The following CNTNAP5 variants were observed in gnomAD, a reference collection of about 807,000 sequenced individuals.
CNTNAP5 encodes the protein contactin-associated protein-like 5.
In CNTNAP5, 72 loss-of-function variants were observed where a neutral mutation model predicts 150.2. That is an observed-to-expected ratio of 0.48 (90% CI 0.40 to 0.58). CNTNAP5 has a LOEUF of 0.58. Among genes scored for constraint, CNTNAP5 ranks in the 20% least tolerant of loss-of-function variants. The pLI is 0.00. For missense variants in CNTNAP5, 1,636 were observed against 1,626.2 expected, an observed-to-expected ratio of 1.01 and a Z score of -0.10; for synonymous variants, 672 against 619.8, an observed-to-expected ratio of 1.08 and a Z score of -1.25.
In CNTNAP5 at chr2:124,389,835, A is replaced by G. The variant is rs571600633; in HGVS notation, c.382-27608A>G. Among the ~76,000 whole-genome samples, 20 of 152,122 alleles carry G rather than the reference A, an allele frequency of 1.3e-4. No individual in the cohort carries two copies. The South Asian group carries it at 4.2e-3, about 32-fold the overall frequency. ...ATGAAAATTAGCTGGATGTGGTTGT[A>G]CCTGCCTCTTGTCCCAGCTACTTGG... On this transcript the variant is annotated intron_variant, in intron 3 of 23. Coordinates refer to ENST00000682447, the MANE Select transcript of CNTNAP5 (RefSeq NM_001367498.1).
chr2:124,229,046 G>C (rs1686543959), intron 2 of CNTNAP5, among the ~76,000 whole-genome samples: 1 of 152,078 alleles, frequency 6.6e-6, no homozygotes, highest in Admixed American at 6.6e-5. Context: ...AAAGGACTAG[G>C]GAACACTTTA....
At chr2:124,172,306 G>A (rs1260554598) in intron 1 of CNTNAP5, among the ~76,000 whole-genome samples, 2 of 152,134 alleles carry the variant, frequency 1.3e-5, no homozygotes, top group East Asian at 1.9e-4. Flanking sequence ...GACGTGCTCA[G>A]TTTAGAAATT....
intron 1 of CNTNAP5, among the ~76,000 whole-genome samples, chr2:124,042,746 T>C (rs1681408458): frequency 6.6e-6 from 1 of 152,194 alleles, no homozygotes; most frequent in Non-Finnish European, 1.5e-5. Flanking sequence ...ATTTTTTCTT[T>C]TTGTAGACCC....
At chr2:124,645,354 G>T (rs1441445861) in intron 12 of CNTNAP5, among the ~76,000 whole-genome samples, 1 of 152,150 alleles carries the variant, frequency 6.6e-6, no homozygotes, top group Non-Finnish European at 1.5e-5. Context: ...GTTGTTTGAG[G>T]CCAGGAGTTT....
intron 13 of CNTNAP5, among the ~76,000 whole-genome samples, chr2:124,745,434 C>T (rs1680584279): frequency 6.6e-6 from 1 of 152,144 alleles, no homozygotes; most frequent in Non-Finnish European, 1.5e-5. Context: ...GCTTCACCCT[C>T]ATGCTGGCTG....
chr2:124,173,008 T>C (rs1684971343), intron 1 of CNTNAP5, among the ~76,000 whole-genome samples: 1 of 152,200 alleles, frequency 6.6e-6, no homozygotes, highest in African/African-American at 2.4e-5. Context: ...TATTGGTAAT[T>C]CTCACACATT....
intron 19 of CNTNAP5, among the ~76,000 whole-genome samples, chr2:124,850,838 TA>T (rs1683139328): frequency 6.6e-6 from 1 of 152,136 alleles, no homozygotes; most frequent in Non-Finnish European, 1.5e-5. Flanking sequence ...CTGTATTGAA[TA>T]CTAATAAAAA....
chr2:124,849,727 A>C (rs900041751), intron 19 of CNTNAP5, among the ~76,000 whole-genome samples: 1 of 152,166 alleles, frequency 6.6e-6, no homozygotes, highest in African/African-American at 2.4e-5. Context: ...CGTCATACAC[A>C]TTTAACATTT....
intron 14 of CNTNAP5, among the ~76,000 whole-genome samples, chr2:124,763,195 G>GT (rs1680995101): frequency 1.3e-5 from 2 of 152,198 alleles, no homozygotes; most frequent in Non-Finnish European, 2.9e-5. Flanking sequence ...AGCACCTCGA[G>GT]TTAAAAGGTG....
At chr2:124,686,624 C>T in intron 13 of CNTNAP5, among the ~76,000 whole-genome samples, 1 of 152,046 alleles carries the variant, frequency 6.6e-6, no homozygotes, top group Non-Finnish European at 1.5e-5. Flanking sequence ...ATCCCAGCTG[C>T]CATCTGACTG....
intron 3 of CNTNAP5, among the ~76,000 whole-genome samples, chr2:124,380,935 A>G (rs1690778766): frequency 6.6e-6 from 1 of 152,182 alleles, no homozygotes; most frequent in Non-Finnish European, 1.5e-5. Context: ...AATATAATAG[A>G]GAATAGATTG....
At chr2:124,282,994 CTTTTT>C (rs61480383) in intron 3 of CNTNAP5, among the ~76,000 whole-genome samples, 1 of 140,512 alleles carries the variant, frequency 7.1e-6, no homozygotes, top group Non-Finnish European at 1.6e-5. Context: ...GTCCATTGCT[CTTTTT>C]TTTTTTTTTT....
intron 1 of CNTNAP5, among the ~76,000 whole-genome samples, chr2:124,032,788 T>C (rs1279774695): frequency 6.6e-6 from 1 of 152,216 alleles, no homozygotes; most frequent in African/African-American, 2.4e-5. Context: ...GAAGTTCTTC[T>C]CTGGGAATAC....
intron 13 of CNTNAP5, among the ~76,000 whole-genome samples, chr2:124,717,861 A>G (rs115636293): frequency 0.025 from 3,841 of 152,322 alleles, 171 homozygotes; most frequent in African/African-American, 0.089. Context: ...ACAAACACAA[A>G]TATATTAATA....
At chr2:124,620,783 G>A (rs1045338516) in intron 12 of CNTNAP5, among the ~76,000 whole-genome samples, 1 of 149,266 alleles carries the variant, frequency 6.7e-6, no homozygotes, top group Non-Finnish European at 1.5e-5. Context: ...ACATATATAT[G>A]CAAACTTTCT....
chr2:124,148,191 T>C (rs1273210617), intron 1 of CNTNAP5, among the ~76,000 whole-genome samples: 1 of 151,728 alleles, frequency 6.6e-6, no homozygotes, highest in Admixed American at 6.6e-5. Flanking sequence ...GGACATCTCA[T>C]GATTGAAAAT....
chr2:124,752,971 A>G (rs1680761283), intron 14 of CNTNAP5, among the ~76,000 whole-genome samples: 1 of 152,180 alleles, frequency 6.6e-6, no homozygotes, highest in Admixed American at 6.5e-5. Flanking sequence ...GCCCAAATGA[A>G]GAGTCTTCTC....
chr2:124,337,803 A>G (rs1341758788), intron 3 of CNTNAP5, among the ~76,000 whole-genome samples: 1 of 151,866 alleles, frequency 6.6e-6, no homozygotes, highest in Non-Finnish European at 1.5e-5. Context: ...GAAGTCAGGT[A>G]GTGTGATGCC....
At chr2:124,118,073 G>A (rs1262464918) in intron 1 of CNTNAP5, among the ~76,000 whole-genome samples, 1 of 151,962 alleles carries the variant, frequency 6.6e-6, no homozygotes, top group Non-Finnish European at 1.5e-5. Context: ...ATTGGTCTAG[G>A]TATTTTTTTT....
Sources: gnomAD v4.1 joint callset for allele counts (sites outside exome capture counted in the v4.1 genomes callset) on GRCh38, gnomAD v4.1.1 for gene constraint, MANE v1.5 for transcripts, NCBI Gene and HGNC (gene_info 2026-07-23, HGNC 2026-07-21) for gene names.